MTHFD1: variants seen among roughly 807,000 people sequenced by gnomAD.
MTHFD1 encodes C-1-tetrahydrofolate synthase, cytoplasmic.
A neutral mutation model predicts 110.3 loss-of-function variants in MTHFD1; 44 were observed. That is an observed-to-expected ratio of 0.40 (90% CI 0.31 to 0.51). The LOEUF (loss-of-function observed/expected upper bound fraction) is 0.51, where lower values mean the gene tolerates loss of function less well. Among genes scored for constraint, MTHFD1 ranks in the 20% least tolerant of loss-of-function variants. The pLI is 0.60. For missense variants in MTHFD1, 909 were observed against 1,173.1 expected, an observed-to-expected ratio of 0.77 and a Z score of 3.29; for synonymous variants, 402 against 428.8, an observed-to-expected ratio of 0.94 and a Z score of 0.77.
intron 13 of MTHFD1, among the ~76,000 whole-genome samples, chr14:64,430,539 G>A (rs1039843346): frequency 6.6e-5 from 10 of 151,740 alleles, no homozygotes; most frequent in Non-Finnish European, 1.0e-4. Context: ...CTCGTGATCC[G>A]CCCACCTCGG....
At position 64,388,395 on chromosome 14, in the gene MTHFD1, G is replaced by C; in HGVS notation, c.-33G>C. ...AGGGAGTGGAACCTCGATATTGGTG[G>C]TGTCCATCGTGGGCAGCGGACTAAT... On this transcript the variant is annotated 5_prime_UTR_variant, in exon 1 of 28. Transcript: ENST00000652337. 1 of 1,614,204 alleles carries C rather than the reference G, an allele frequency of 6.2e-7. No homozygotes were observed. Among genetic ancestry groups the C allele is most frequent in the Non-Finnish European group, 8.5e-7 (1 of 1,180,034 alleles).
chr14:64,413,322 A>C (rs1206746631), intron 4 of MTHFD1, among the ~76,000 whole-genome samples: 1 of 152,164 alleles, frequency 6.6e-6, no homozygotes, highest in East Asian at 1.9e-4. Flanking sequence ...ATTGCACTCC[A>C]ACCTGGGAAA....
chr14:64,452,377 G>C (rs1484005303), intron 24 of MTHFD1, among the ~76,000 whole-genome samples: 2 of 152,140 alleles, frequency 1.3e-5, no homozygotes, highest in African/African-American at 2.4e-5. Context: ...TTTGTAATTT[G>C]CTCATCCAAA....
intron 15 of MTHFD1, among the ~76,000 whole-genome samples, chr14:64,434,119 C>G (rs1165973781): frequency 6.6e-6 from 1 of 152,082 alleles, no homozygotes; most frequent in Non-Finnish European, 1.5e-5. Flanking sequence ...TTCTGGTGCT[C>G]AGTTATAGGG....
rs75605966 is a variant in MTHFD1 at position 64,439,920 on chromosome 14, G to T, written c.1675-206G>T. Among the ~76,000 whole-genome samples, 740 of 138,750 alleles carry T rather than the reference G, an allele frequency of 5.3e-3. 6 individuals carry two copies. The highest frequency in any genetic ancestry group is 0.019 in the African/African-American group (705 of 37,794). The allele number at this position is 138,750 out of a possible 152,430, so 91.0% of individuals were successfully genotyped here. A position where few individuals can be genotyped will look rare whatever the true frequency, so the allele number is the denominator to read the frequency against. On this transcript the variant is annotated intron_variant, in intron 17 of 27. Transcript: ENST00000652337. ...AAAAAAAAAAAAAAAAAAAAAAAAT[G>T]ACAACTCAGGGTCTTGGAATAATTA...
In MTHFD1 at chr14:64,401,444, C is replaced by T. The variant is rs181593852; in HGVS notation, c.126+567C>T. On this transcript the variant is annotated intron_variant, in intron 2 of 27. Coordinates refer to ENST00000652337, the MANE Select transcript of MTHFD1 (RefSeq NM_005956.4). Reference sequence around the variant, plus strand: ...TTTGGCCGGACACGGTGGCTCCTGCCTGTAATCCAGCACTTTGGGAGGCCG... The same window carrying T: ...TTTGGCCGGACACGGTGGCTCCTGCTTGTAATCCAGCACTTTGGGAGGCCG... Among the ~76,000 whole-genome samples the T allele has an allele frequency of 3.2e-3, 481 of 152,256 alleles. 11 individuals are homozygous for T. Among genetic ancestry groups the T allele is most frequent in the Admixed American group, 0.027 (414 of 15,294 alleles).
In MTHFD1 at chr14:64,458,349, T is replaced by G. The variant is rs772835543; in HGVS notation, c.*4+42T>G. 4.0e-6 allele frequency: 5 copies of G among 1,242,608 alleles called. No individual in the cohort carries two copies. In the South Asian group the frequency reaches 6.0e-5, roughly 15 times the overall value. The allele number at this position is 1,242,608 out of a possible 1,614,324, so 77.0% of individuals were successfully genotyped here. On this transcript the variant is annotated intron_variant, in intron 27 of 27. Coordinates refer to ENST00000652337, the MANE Select transcript of MTHFD1 (RefSeq NM_005956.4). Reference sequence around the variant, plus strand: ...TAATAATTTGGCTTTTTTCCTCATGTAGCTTATTTATGAATTATAGGGCTC... The same window carrying G: ...TAATAATTTGGCTTTTTTCCTCATGGAGCTTATTTATGAATTATAGGGCTC...
chr14:64,392,668 G>A (rs2077815976), intron 1 of MTHFD1, among the ~76,000 whole-genome samples: 1 of 152,158 alleles, frequency 6.6e-6, no homozygotes, highest in Admixed American at 6.5e-5. Flanking sequence ...GCATCACTGG[G>A]TCATGCAATT....
intron 12 of MTHFD1, among the ~76,000 whole-genome samples, chr14:64,429,314 T>G (rs895813434): frequency 1.1e-4 from 15 of 132,776 alleles, no homozygotes; most frequent in South Asian, 2.3e-4. Context: ...CCTGGACTTT[T>G]TTTGTTTGTT....
chr14:64,399,654 C>A (rs1417629818), intron 1 of MTHFD1, among the ~76,000 whole-genome samples: 2 of 29,018 alleles, frequency 6.9e-5, no homozygotes, highest in African/African-American at 1.5e-4. Flanking sequence ...GAGTCCCCAT[C>A]TCAAAAAAAA....
chr14:64,397,184 TATATATAAA>T (rs2077863218), intron 1 of MTHFD1, among the ~76,000 whole-genome samples: 9 of 13,514 alleles, frequency 6.7e-4, no homozygotes, highest in Admixed American at 2.8e-3. Flanking sequence ...TATATATATA[TATATATAAA>T]AAACAGTAAT....
chr14:64,403,331 A>G (rs1261108850), intron 2 of MTHFD1, among the ~76,000 whole-genome samples: 3 of 151,602 alleles, frequency 2.0e-5, no homozygotes, highest in Non-Finnish European at 4.4e-5. Flanking sequence ...CTGGAATGTA[A>G]TGACATAATC....
At position 64,459,799 on chromosome 14, in the gene MTHFD1, C is replaced by T; in HGVS notation, c.*45C>T. The T allele has an allele frequency of 6.5e-7, 1 of 1,535,972 alleles. No individual in the cohort carries two copies. The highest frequency in any genetic ancestry group is 8.7e-7 in the Non-Finnish European group (1 of 1,146,814). On this transcript the variant is annotated 3_prime_UTR_variant, in exon 28 of 28. Coordinates refer to ENST00000652337, the MANE Select transcript of MTHFD1 (RefSeq NM_005956.4). ...CAAGAAGCTACTTTGAAAGTCTGGC[C>T]AGTGTCTATTCAGGCCCACTGGGAG...
chr14:64,439,270 G>A, intron 17 of MTHFD1, 98 bp downstream of exon 17: 14 of 894,638 alleles, frequency 1.6e-5, no homozygotes, highest in Non-Finnish European at 2.6e-5. Flanking sequence ...GATACTGCCA[G>A]GTGTTGTTCT....
In MTHFD1 at chr14:64,425,819, T is replaced by G; in HGVS notation, c.945T>G (p.Pro315=). The change falls in exon 10 of 28, where the codon CCT becomes CCG. Residue 315 remains proline (P), a synonymous_variant. Transcript: ENST00000652337. ...IQYNNLNLKT[P]VPSDIDISRS... is the part of the protein sequence containing the mutation. Reference sequence around the variant, plus strand: ...ATAACAACCTTAACCTCAAGACACCTGTTCCAAGGTAAAAATAAAGTTTTA... The same window carrying G: ...ATAACAACCTTAACCTCAAGACACCGGTTCCAAGGTAAAAATAAAGTTTTA... 6.2e-7 allele frequency: 1 copy of G among 1,613,606 alleles called. No individual in the cohort carries two copies.
chr14:64,456,582 T>C (rs889639087), intron 26 of MTHFD1, among the ~76,000 whole-genome samples: 1 of 152,204 alleles, frequency 6.6e-6, no homozygotes, highest in African/African-American at 2.4e-5. Flanking sequence ...TCTGCTGACA[T>C]GCACATGCCC....
At chr14:64,447,307 C>T (rs1292796206) in intron 22 of MTHFD1, among the ~76,000 whole-genome samples, 1 of 151,736 alleles carries the variant, frequency 6.6e-6, no homozygotes, top group East Asian at 1.9e-4. Context: ...AGGTTCCTGC[C>T]ACCACACCTA....
intron 2 of MTHFD1, among the ~76,000 whole-genome samples, chr14:64,410,659 T>C (rs1042154699): frequency 6.6e-6 from 1 of 152,152 alleles, no homozygotes; most frequent in Non-Finnish European, 1.5e-5. Flanking sequence ...CCATTGCCCC[T>C]GCGGGTGGGG....
intron 16 of MTHFD1, among the ~76,000 whole-genome samples, chr14:64,437,231 T>C (rs927856766): frequency 2.0e-5 from 3 of 152,070 alleles, no homozygotes; most frequent in African/African-American, 7.2e-5. Context: ...ACAAAATATA[T>C]AGGCAAATTT....
Sources: gnomAD v4.1 joint callset for allele counts (sites outside exome capture counted in the v4.1 genomes callset) on GRCh38, gnomAD v4.1.1 for gene constraint, MANE v1.5 for transcripts, NCBI Gene and HGNC (gene_info 2026-07-23, HGNC 2026-07-21) for gene names.